PPP1R13B: variants seen among roughly 807,000 people sequenced by gnomAD.
PPP1R13B encodes the protein protein phosphatase 1 regulatory subunit 13B.
PPP1R13B carries 44 observed loss-of-function variants against 119.8 expected under a neutral mutation model. The ratio of observed to expected loss-of-function variants is 0.37; its 90% CI spans 0.29 to 0.47. The LOEUF is 0.47. PPP1R13B is among the 20% of genes least tolerant of loss of function. The pLI is 0.99. For synonymous variants in PPP1R13B, 542 were observed against 561.5 expected (o/e 0.97, Z 0.49); for missense variants, 1,227 against 1,413.5 (o/e 0.87, Z 2.12).
intron 1 of PPP1R13B, among the ~76,000 whole-genome samples, chr14:103,826,877 T>C (rs2086557547): frequency 6.6e-6 from 1 of 150,620 alleles, no homozygotes; most frequent in African/African-American, 2.4e-5. Flanking sequence ...CTGGGCGTGG[T>C]GGCAGGCGCC....
intron 1 of PPP1R13B, among the ~76,000 whole-genome samples, chr14:103,807,255 G>A (rs2086038250): frequency 2.0e-5 from 3 of 152,148 alleles, no homozygotes; most frequent in Admixed American, 1.3e-4. Flanking sequence ...CCTTAACCGA[G>A]AGTCTACCTA....
At chr14:103,838,247 C>T (rs2086824122) in intron 1 of PPP1R13B, among the ~76,000 whole-genome samples, 1 of 152,054 alleles carries the variant, frequency 6.6e-6, no homozygotes, top group African/African-American at 2.4e-5. Context: ...CAGACACACA[C>T]AGCTCTTCAC....
chr14:103,798,983 C>T (rs1420963393), intron 1 of PPP1R13B, among the ~76,000 whole-genome samples: 2 of 142,116 alleles, frequency 1.4e-5, no homozygotes, highest in African/African-American at 2.7e-5. Flanking sequence ...AGCCACTACA[C>T]CTGGTGTTTT....
chr14:103,847,070 C>G (rs1483082119), intron 1 of PPP1R13B: 1 of 1,013,528 alleles, frequency 9.9e-7, no homozygotes, highest in African/African-American at 1.7e-5. Flanking sequence ...GCCGCGGAGG[C>G]CGAGCAGGAA....
At chr14:103,817,736 A>G (rs1033684653) in intron 1 of PPP1R13B, among the ~76,000 whole-genome samples, 4 of 152,070 alleles carry the variant, frequency 2.6e-5, no homozygotes, top group Admixed American at 1.3e-4. Context: ...TTAACTCTCA[A>G]CAGGCCTATG....
chr14:103,780,991 T>C (rs1300626124), intron 3 of PPP1R13B, among the ~76,000 whole-genome samples: 2 of 151,986 alleles, frequency 1.3e-5, no homozygotes, highest in Admixed American at 1.3e-4. Context: ...GATGGAATTC[T>C]GAGTCGGGGC....
chr14:103,783,827 T>C (rs2085390562), intron 3 of PPP1R13B, among the ~76,000 whole-genome samples: 1 of 152,192 alleles, frequency 6.6e-6, no homozygotes, highest in East Asian at 1.9e-4. Context: ...CTGAAATTAC[T>C]AGCCTGAGCC....
intron 1 of PPP1R13B, among the ~76,000 whole-genome samples, chr14:103,839,335 A>C (rs61995820): frequency 6.6e-6 from 1 of 151,986 alleles, no homozygotes; most frequent in Non-Finnish European, 1.5e-5. Flanking sequence ...TTCTGATAAA[A>C]GAAATCTCTC....
intron 15 of PPP1R13B, 80 bp from the exon 16 acceptor site, chr14:103,736,282 T>C: frequency 2.0e-6 from 3 of 1,466,284 alleles, no homozygotes; most frequent in South Asian, 1.2e-5. Flanking sequence ...CAGGACACAG[T>C]CGTGCTGCTG....
chr14:103,800,666 A>AC (rs1246750826), intron 1 of PPP1R13B, among the ~76,000 whole-genome samples: 8 of 151,912 alleles, frequency 5.3e-5, no homozygotes, highest in Non-Finnish European at 1.0e-4. Flanking sequence ...AAAACAAAAA[A>AC]AACAAAAAAC....
chr14:103,739,692 T>G, intron 12 of PPP1R13B, 132 bp downstream of exon 12: 1 of 1,145,356 alleles, frequency 8.7e-7, no homozygotes, highest in Non-Finnish European at 1.2e-6. Flanking sequence ...CCGTCCTCCC[T>G]ACAAGACGTA....
chr14:103,828,088 C>T (rs1475982259), intron 1 of PPP1R13B, among the ~76,000 whole-genome samples: 4 of 152,018 alleles, frequency 2.6e-5, no homozygotes, highest in East Asian at 1.9e-4. Flanking sequence ...AAAGCACGGC[C>T]GGGTGCAGTG....
At chr14:103,756,372 A>G (rs2084678854) in intron 5 of PPP1R13B, among the ~76,000 whole-genome samples, 1 of 152,070 alleles carries the variant, frequency 6.6e-6, no homozygotes, top group African/African-American at 2.4e-5. Flanking sequence ...TTACAGGTAT[A>G]AGCCACCACG....
At chr14:103,776,848 G>C (rs1473942281) in intron 4 of PPP1R13B, among the ~76,000 whole-genome samples, 2 of 150,688 alleles carry the variant, frequency 1.3e-5, no homozygotes, top group African/African-American at 4.9e-5. Context: ...CTCCAGCCTG[G>C]GCGACAGAGT....
intron 1 of PPP1R13B, chr14:103,818,549 T>C: frequency 3.2e-6 from 3 of 950,862 alleles, no homozygotes; most frequent in Non-Finnish European, 3.8e-6. Flanking sequence ...CACCAGTTGA[T>C]TTCGTCCTCA....
In PPP1R13B at chr14:103,734,056, C is replaced by T. The variant is rs1269845922; in HGVS notation, c.*1098G>A. ...CTTTGAATGGTCTAGTCAAAAAATA[C>T]TTTTGGTATATAAAAAGCCTGTACG... On this transcript the variant is annotated 3_prime_UTR_variant, in exon 17 of 17. Transcript: ENST00000202556. 1 of 161,352 alleles carries T rather than the reference C, an allele frequency of 6.2e-6. No individual in the cohort carries two copies. Among genetic ancestry groups the T allele is most frequent in the Non-Finnish European group, 1.4e-5 (1 of 72,650 alleles). The allele number at this position is 161,352 out of a possible 1,614,324, so 10.0% of individuals were successfully genotyped here.
chr14:103,784,938 T>C, intron 2 of PPP1R13B, 24 bp from the exon 3 acceptor site: 1 of 1,543,736 alleles, frequency 6.5e-7, no homozygotes, highest in Non-Finnish European at 8.8e-7. Context: ...CACATCTTTT[T>C]TACTCCAGAA....
In PPP1R13B at chr14:103,733,206, T is replaced by A; in HGVS notation, c.*1948A>T. ...CAATATGTTCACAGTTTATTAATGC[T>A]TTAAACAGCTTCATGTTTTAGAATT... On this transcript the variant is annotated 3_prime_UTR_variant, in exon 17 of 17. Coordinates refer to ENST00000202556, the MANE Select transcript of PPP1R13B (RefSeq NM_015316.3). The A allele has an allele frequency of 1.5e-6, 1 of 685,960 alleles. No individual in the cohort carries two copies. The highest frequency in any genetic ancestry group is 2.0e-5 in the South Asian group (1 of 49,788). 42.5% of individuals were successfully genotyped at this position (685,960 alleles called of 1,614,324 possible). A position where few individuals can be genotyped will look rare whatever the true frequency, so the allele number is the denominator to read the frequency against.
At chr14:103,846,905 G>T in intron 1 of PPP1R13B, 1 of 902,590 alleles carries the variant, frequency 1.1e-6, no homozygotes, top group Non-Finnish European at 1.5e-6. Context: ...CCGGGCGCGG[G>T]TGCCCACCCC....
Sources: gnomAD v4.1 joint callset for allele counts (sites outside exome capture counted in the v4.1 genomes callset) on GRCh38, gnomAD v4.1.1 for gene constraint, MANE v1.5 for transcripts, NCBI Gene and HGNC (gene_info 2026-07-23, HGNC 2026-07-21) for gene names.